The following PCF11 variants were observed in gnomAD, a reference collection of about 807,000 sequenced individuals.
PCF11 encodes the protein pre-mRNA cleavage complex 2 protein Pcf11.
Under a neutral mutation model 166.1 loss-of-function variants are expected in PCF11, and 19 were observed. The ratio of observed to expected loss-of-function variants is 0.11; its 90% CI spans 0.08 to 0.17. PCF11 has a LOEUF of 0.17. Among genes scored for constraint, PCF11 ranks in the 10% least tolerant of loss-of-function variants. PCF11 has a pLI of 1.00. For missense variants in PCF11, 1,565 were observed against 1,855.5 expected (o/e 0.84, Z 2.88); for synonymous variants, 663 against 644.1 (o/e 1.03, Z -0.44).
At chr11:83,181,258 A>G in intron 12 of PCF11, 67 bp downstream of exon 12, 1 of 516,576 alleles carries the variant, frequency 1.9e-6, no homozygotes, top group Non-Finnish European at 3.0e-6. Context: ...AAGTATATTA[A>G]TTTTAATAAT....
At chr11:83,183,100 G>T in intron 15 of PCF11, 27 bp downstream of exon 15, 1 of 1,297,038 alleles carries the variant, frequency 7.7e-7, no homozygotes, top group Non-Finnish European at 1.1e-6. Context: ...TACTGTATTT[G>T]TTCTCATTTG....
exon 13 of PCF11, chr11:83,181,854 G>C: frequency 6.3e-7 from 1 of 1,596,914 alleles, no homozygotes; most frequent in Non-Finnish European, 8.5e-7. Flanking sequence ...TCCTTTTAAG[G>C]ACTGGATAGA....
rs183568451 is a variant in PCF11, at chr11:83,164,133, A to G, written c.508-74A>G. On this transcript the variant is annotated intron_variant, in intron 3 of 15. Coordinates refer to ENST00000298281, the Ensembl canonical transcript of PCF11. ...GGAATTTGGATCATATTAAGAGTTAAGCTGATAATTTTTACTCCCTAGCTT... is the reference window on the plus strand; with the variant it reads ...GGAATTTGGATCATATTAAGAGTTAGGCTGATAATTTTTACTCCCTAGCTT... 241 of 997,422 alleles carry G rather than the reference A, an allele frequency of 2.4e-4. No individual in the cohort carries two copies. In the African/African-American group the frequency reaches 3.8e-3, roughly 16 times the overall value. 61.8% of individuals were successfully genotyped at this position (997,422 alleles called of 1,614,324 possible). A position where few individuals can be genotyped will look rare whatever the true frequency, so the allele number is the denominator to read the frequency against.
intron 7 of PCF11, 123 bp from the exon 8 acceptor site, chr11:83,168,305 C>T (rs550929582): frequency 2.0e-5 from 18 of 913,816 alleles, no homozygotes; most frequent in South Asian, 7.4e-5. Flanking sequence ...TGCTGCTTTA[C>T]GCTGTCGGTC....
At chr11:83,168,819 G>A (rs372196711) in exon 8 of PCF11, 22 of 1,613,580 alleles carry the variant, frequency 1.4e-5, no homozygotes, top group Non-Finnish European at 1.9e-5. Context: ...CAGGACCAGT[G>A]GGGACACCTC....
At position 83,183,054 on chromosome 11, in the gene PCF11, GT is replaced by G; in HGVS notation, c.4435del (p.Tyr1479MetfsTer25). On this transcript the variant is annotated frameshift_variant, in exon 15 of 16. Transcript: ENST00000298281. LOFTEE classifies it high-confidence loss of function. ...TTGCTTCAGATTTATCATCCATCAT[GT>G]TATGAAGATTATCAAAATGTAAGTT... is the stretch of plus-strand genomic sequence containing the variant. 1.4e-6 allele frequency: 2 copies of G among 1,460,660 alleles called. No homozygotes were observed. The highest frequency in any genetic ancestry group is 1.9e-5 in the Admixed American group (1 of 51,720). The allele number at this position is 1,460,660 out of a possible 1,614,324, so 90.5% of individuals were successfully genotyped here.
intron 7 of PCF11, among the ~76,000 whole-genome samples, chr11:83,168,191 G>T (rs1860540820): frequency 1.3e-5 from 2 of 152,198 alleles, no homozygotes; most frequent in African/African-American, 4.8e-5. Flanking sequence ...AAATAAAAGA[G>T]AGGTTAAATA....
chr11:83,183,833 T>C (rs1263719703), intron 15 of PCF11, among the ~76,000 whole-genome samples: 1 of 151,986 alleles, frequency 6.6e-6, no homozygotes, highest in Non-Finnish European at 1.5e-5. Flanking sequence ...AATCTAAAAA[T>C]GATACCAGTC....
rs1861092684 is a variant in PCF11 at position 83,181,658 on chromosome 11, A to G, written c.4168-196A>G. ...TTTTTGAATTAGTAGTTGTAACTAT[A>G]GAGTTAATGGAAAAGATCTTAATTA... On this transcript the variant is annotated intron_variant, in intron 12 of 15. Coordinates refer to ENST00000298281, the Ensembl canonical transcript of PCF11. Among the ~76,000 whole-genome samples the G allele has an allele frequency of 2.6e-5, 4 of 151,968 alleles. No individual in the cohort carries two copies. In the South Asian group the frequency reaches 8.3e-4, roughly 31 times the overall value.
At position 83,184,664 on chromosome 11, in the gene PCF11, C is replaced by G; in HGVS notation, c.4453-15C>G. 2 of 1,569,690 alleles carry G rather than the reference C, an allele frequency of 1.3e-6. No homozygotes were observed. Among genetic ancestry groups the G allele is most frequent in the African/African-American group, 1.4e-5 (1 of 73,958 alleles). On this transcript the variant is annotated splice_polypyrimidine_tract_variant and intron_variant, in intron 15 of 15. Transcript: ENST00000298281. ...TGAACTTTCATCAGTACTCATAGGG[C>G]CTTTCATTTTGTAGACATCTTCATT...
chr11:83,177,011 A>C (rs928325060), intron 9 of PCF11, 74 bp from the exon 10 acceptor site: 2 of 1,069,286 alleles, frequency 1.9e-6, no homozygotes, highest in East Asian at 6.3e-5. Context: ...AAAAATGCTT[A>C]GTATAATTTG....
rs1274974320 is a variant in PCF11, at chr11:83,182,577, AAT to A, written c.4416+88_4416+89del. Reference sequence around the variant, plus strand: ...ATTACTTTGAAAGGAGGCGGTTCATAATAGTTTTTGTTTGATTTTTGGTCTTA... The same window carrying A: ...ATTACTTTGAAAGGAGGCGGTTCATAAGTTTTTGTTTGATTTTTGGTCTTA... On this transcript the variant is annotated intron_variant, in intron 14 of 15. Coordinates refer to ENST00000298281, the Ensembl canonical transcript of PCF11. The A allele has an allele frequency of 5.8e-6, 4 of 692,786 alleles. No homozygotes were observed. The Admixed American group carries it at 1.1e-4, about 19-fold the overall frequency. 42.9% of individuals were successfully genotyped at this position (692,786 alleles called of 1,614,324 possible).
At chr11:83,184,615 A>C (rs17144746) in intron 15 of PCF11, 64 bp from the exon 16 acceptor site, 1 of 1,112,168 alleles carries the variant, frequency 9.0e-7, no homozygotes, top group East Asian at 2.4e-5. Flanking sequence ...TTACAAGACT[A>C]AATGTTATTT....
chr11:83,160,400 T>G (rs1398314546), intron 1 of PCF11, among the ~76,000 whole-genome samples: 1 of 148,554 alleles, frequency 6.7e-6, no homozygotes, highest in Non-Finnish European at 1.5e-5. Context: ...GTTAAAACTA[T>G]TATGGTGTGT....
intron 8 of PCF11, among the ~76,000 whole-genome samples, chr11:83,170,916 A>G (rs1306238809): frequency 6.6e-6 from 1 of 152,210 alleles, no homozygotes; most frequent in Non-Finnish European, 1.5e-5. Context: ...TGGCTTGCCT[A>G]GATTTACTCT....
At chr11:83,172,174 T>A (rs1417911470) in intron 9 of PCF11, among the ~76,000 whole-genome samples, 3 of 152,070 alleles carry the variant, frequency 2.0e-5, no homozygotes, top group Admixed American at 6.6e-5. Context: ...ACCTATTGGG[T>A]GGAAACTGGG....
Position 83,185,071 on chromosome 11 carries a change from CAG to C in PCF11, c.*180_*181del, listed in dbSNP as rs535305306. ...TAGTATTTGCATTTCCTACTGCCTG[CAG>C]AGTTTCAGGTGCTTGTTGTGTGAAA... is the stretch of plus-strand genomic sequence containing the variant. On this transcript the variant is annotated 3_prime_UTR_variant, in exon 16 of 16. Transcript: ENST00000298281. 3,009 of 500,044 alleles carry C rather than the reference CAG, an allele frequency of 6.0e-3. 17 individuals are homozygous for C. Among genetic ancestry groups the C allele is most frequent in the Middle Eastern group, 0.025 (50 of 2,026 alleles). 31.0% of individuals were successfully genotyped at this position (500,044 alleles called of 1,614,324 possible). A position where few individuals can be genotyped will look rare whatever the true frequency, so the allele number is the denominator to read the frequency against.
chr11:83,178,791 C>G (rs1206780458), intron 11 of PCF11, among the ~76,000 whole-genome samples: 1 of 146,316 alleles, frequency 6.8e-6, no homozygotes, highest in Non-Finnish European at 1.5e-5. Context: ...CCAGCCTGGG[C>G]GAAAGAGCGA....
chr11:83,161,016 C>T (rs117175183), intron 1 of PCF11, among the ~76,000 whole-genome samples: 1 of 152,258 alleles, frequency 6.6e-6, no homozygotes, highest in East Asian at 1.9e-4. Context: ...TTTCCCTCGC[C>T]TCCTCCTTAT....
Sources: allele counts gnomAD v4.1 joint callset (sites outside exome capture counted in the v4.1 genomes callset), GRCh38; gene constraint gnomAD v4.1.1; transcripts MANE v1.5; gene names NCBI Gene and HGNC (gene_info 2026-07-23, HGNC 2026-07-21).